The following CA8 variants were observed in gnomAD, a reference collection of about 807,000 sequenced individuals.
CA8 encodes carbonic anhydrase-related protein.
Under a neutral mutation model 41.4 loss-of-function variants are expected in CA8, and 22 were observed. The ratio of observed to expected loss-of-function variants is 0.53; its 90% CI spans 0.38 to 0.76. The LOEUF (loss-of-function observed/expected upper bound fraction) is 0.76. CA8 is among the 30% of genes least tolerant of loss of function. The probability of loss-of-function intolerance (pLI) is 0.00; values close to 1 mark genes in which losing one functional copy is unlikely to be tolerated. For synonymous variants in CA8, 121 were observed against 130.6 expected (o/e 0.93, Z 0.50); for missense variants, 270 against 352.8 (o/e 0.77, Z 1.88).
chr8:60,276,792 C>A (rs1222099878), intron 2 of CA8, among the ~76,000 whole-genome samples: 1 of 152,030 alleles, frequency 6.6e-6, no homozygotes, highest in South Asian at 2.1e-4. Flanking sequence ...AGCGATAATA[C>A]GAGAGTGAAA....
Position 60,235,546 on chromosome 8 carries a change from T to G in CA8, c.418-3167A>C, listed in dbSNP as rs139863719. ...TCTCTTCAAATCTGAAAAGCTTGAA[T>G]TATTCACATTGACATCTGTTCTGCC... On this transcript the variant is annotated intron_variant, in intron 3 of 8. Coordinates refer to ENST00000317995, the MANE Select transcript of CA8 (RefSeq NM_004056.6). Among the ~76,000 whole-genome samples the G allele has an allele frequency of 2.2e-3, 332 of 152,360 alleles. 1 individual carries two copies. Among genetic ancestry groups the G allele is most frequent in the African/African-American group, 7.6e-3 (317 of 41,596 alleles).
At chr8:60,246,374 C>A (rs1271918097) in intron 3 of CA8, among the ~76,000 whole-genome samples, 2 of 152,200 alleles carry the variant, frequency 1.3e-5, no homozygotes, top group South Asian at 2.1e-4. Context: ...CTCACTGTAA[C>A]CCCCACATCT....
chr8:60,200,274 TG>T (rs1806386278), intron 8 of CA8, among the ~76,000 whole-genome samples: 1 of 152,248 alleles, frequency 6.6e-6, no homozygotes, highest in African/African-American at 2.4e-5. Flanking sequence ...GTTGCTTAGA[TG>T]TTAGTTTATG....
intron 8 of CA8, among the ~76,000 whole-genome samples, chr8:60,190,957 T>TATATACACACAC (rs1554573722): frequency 9.6e-6 from 1 of 104,190 alleles, no homozygotes; most frequent in African/African-American, 3.4e-5. Flanking sequence ...TATATATATA[T>TATATACACACAC]ACACACACAC....
chr8:60,191,765 A>G lies in CA8; in HGVS notation c.*36-1780T>C, dbSNP rs372463899. Among the ~76,000 whole-genome samples the G allele has an allele frequency of 2.9e-4, 44 of 152,308 alleles. No individual in the cohort carries two copies. The South Asian group carries it at 3.1e-3, about 11-fold the overall frequency. On this transcript the variant is annotated intron_variant, in intron 8 of 8. Transcript: ENST00000317995. The stretch of plus-strand genomic sequence containing the variant: ...TATCCAGCCTTCTAAATATTAAGCT[A>G]CCATGGCCCAAAACATGAAATAAAA...
At chr8:60,276,988 G>A (rs779979372) in intron 2 of CA8, among the ~76,000 whole-genome samples, 8 of 151,836 alleles carry the variant, frequency 5.3e-5, no homozygotes, top group Admixed American at 3.9e-4. Context: ...GTGTGGTGGC[G>A]GGCGCCTGTA....
intron 8 of CA8, chr8:60,208,474 G>A (rs1806717823): frequency 4.9e-6 from 2 of 404,814 alleles, no homozygotes; most frequent in East Asian, 1.1e-4. Flanking sequence ...CTTTTTCTGG[G>A]CCTGAGGGTG....
At chr8:60,240,020 T>C (rs1807965707) in intron 3 of CA8, among the ~76,000 whole-genome samples, 2 of 152,152 alleles carry the variant, frequency 1.3e-5, no homozygotes, top group Admixed American at 1.3e-4. Flanking sequence ...GACTAATACA[T>C]GGATCAAGTC....
chr8:60,211,103 A>C (rs1251583588), intron 7 of CA8, among the ~76,000 whole-genome samples: 1 of 152,158 alleles, frequency 6.6e-6, no homozygotes. Flanking sequence ...AAATGACTTC[A>C]CCTCTTCAAA....
At position 60,265,932 on chromosome 8, in the gene CA8, G is replaced by C. The variant is rs1803886987; in HGVS notation, c.410C>G (p.Pro137Arg). ...SEHTVNFKAF[P>R]MELHLIHWNS... The stretch of plus-strand genomic sequence containing the variant: ...ATGATTTGTTATTCTTACCTCCATG[G>C]GAAAAGCTTTGAAATTAACCGTGTG... Residue 137 changes from proline (P) to arginine (R), a missense_variant, in exon 3 of 9, where the codon CCC becomes CGC. Around this residue, in one of 3 missense-constraint regions of CA8, gnomAD observed 141 missense variants for 191.6 expected, o/e 0.74. Coordinates refer to ENST00000317995, the MANE Select transcript of CA8 (RefSeq NM_004056.6). 6.2e-7 allele frequency: 1 copy of C among 1,613,950 alleles called. No homozygotes were observed.
chr8:60,240,603 T>G (rs1283960503), intron 3 of CA8, among the ~76,000 whole-genome samples: 1 of 152,200 alleles, frequency 6.6e-6, no homozygotes, highest in Non-Finnish European at 1.5e-5. Flanking sequence ...TTCTACCCAA[T>G]GTATAGTCAT....
chr8:60,213,497 C>CAG (rs1158608321), intron 7 of CA8, among the ~76,000 whole-genome samples: 1 of 152,174 alleles, frequency 6.6e-6, no homozygotes, highest in Non-Finnish European at 1.5e-5. Context: ...AGAGTCTCCC[C>CAG]AGAGAGAAGA....
At chr8:60,246,782 A>C (rs903688532) in intron 3 of CA8, among the ~76,000 whole-genome samples, 2 of 152,060 alleles carry the variant, frequency 1.3e-5, no homozygotes, top group African/African-American at 4.8e-5. Context: ...TTTATATAAA[A>C]GTATTCGATA....
intron 8 of CA8, among the ~76,000 whole-genome samples, chr8:60,199,495 C>G (rs1238856526): frequency 6.6e-6 from 1 of 152,070 alleles, no homozygotes; most frequent in Admixed American, 6.6e-5. Context: ...AATAAGAATT[C>G]AGAGCAATAA....
chr8:60,208,025 G>A (rs1249505758), intron 8 of CA8: 1 of 152,210 alleles, frequency 6.6e-6, no homozygotes, highest in Non-Finnish European at 1.5e-5. Context: ...GATGTACAAT[G>A]ACCTATGCAC....
At chr8:60,255,036 T>C (rs1808577387) in intron 3 of CA8, among the ~76,000 whole-genome samples, 1 of 152,126 alleles carries the variant, frequency 6.6e-6, no homozygotes, top group Admixed American at 6.5e-5. Context: ...AAAGGGTAAG[T>C]GGGGAATTTG....
chr8:60,243,102 C>T (rs562558545), intron 3 of CA8, among the ~76,000 whole-genome samples: 31 of 152,260 alleles, frequency 2.0e-4, no homozygotes, highest in East Asian at 7.7e-4. Context: ...CTACAATTTA[C>T]GAAATACAGT....
At chr8:60,238,392 C>T (rs1807906065) in intron 3 of CA8, among the ~76,000 whole-genome samples, 1 of 152,174 alleles carries the variant, frequency 6.6e-6, no homozygotes, top group Admixed American at 6.5e-5. Flanking sequence ...GCCCTGGGCA[C>T]TCATACAAAT....
intron 3 of CA8, among the ~76,000 whole-genome samples, chr8:60,260,855 A>C (rs1803708510): frequency 6.6e-6 from 1 of 152,240 alleles, no homozygotes; most frequent in African/African-American, 2.4e-5. Context: ...AACAAACATG[A>C]AGTGCTATTT....
Sources: gnomAD v4.1 joint callset for allele counts (sites outside exome capture counted in the v4.1 genomes callset) on GRCh38, gnomAD v4.1.1 for gene constraint, gnomAD v4.1.1 regional missense constraint, MANE v1.5 for transcripts, NCBI Gene and HGNC (gene_info 2026-07-23, HGNC 2026-07-21) for gene names.